KCNQ2: variants seen among roughly 807,000 people sequenced by gnomAD.
KCNQ2 encodes potassium voltage-gated channel subfamily KQT member 2.
A neutral mutation model predicts 84.8 loss-of-function variants in KCNQ2; 14 were observed. That is an observed-to-expected ratio of 0.17 (90% CI 0.11 to 0.26). The LOEUF is 0.26. Among genes scored for constraint, KCNQ2 ranks in the 10% least tolerant of loss-of-function variants. The probability of loss-of-function intolerance (pLI) is 1.00; values close to 1 mark genes in which losing one functional copy is unlikely to be tolerated. For synonymous variants in KCNQ2, 599 were observed against 554.1 expected (o/e 1.08, Z -1.14); for missense variants, 788 against 1,254.0 (o/e 0.63, Z 5.61).
At chr20:63,442,675 C>A (rs1387462054) in intron 4 of KCNQ2, 144 bp from the exon 5 acceptor site, 2 of 626,594 alleles carry the variant, frequency 3.2e-6, no homozygotes, top group Admixed American at 2.4e-5. Context: ...CCACCACCAC[C>A]ACCACCACCA....
At chr20:63,435,737 G>A (rs541303780) in intron 7 of KCNQ2, among the ~76,000 whole-genome samples, 6 of 152,196 alleles carry the variant, frequency 3.9e-5, no homozygotes, top group African/African-American at 1.4e-4. Flanking sequence ...GCCCAGCAGC[G>A]GCATCTCAAC....
chr20:63,411,996 AC>A lies in KCNQ2; in HGVS notation c.1763+1453del, dbSNP rs2080133876. 7.8e-6 allele frequency: 5 copies of A among 641,844 alleles called. No individual in the cohort carries two copies. The South Asian group carries it at 8.9e-5, about 11-fold the overall frequency. 39.8% of individuals were successfully genotyped at this position (641,844 alleles called of 1,614,324 possible). ...GAAGCAACAGGGAGGCTCCGTCGAA[AC>A]AGGTGCTCTCCCACAGAGGGTGTGG... On this transcript the variant is annotated intron_variant, in intron 15 of 16. Coordinates refer to ENST00000359125, the MANE Select transcript of KCNQ2 (RefSeq NM_172107.4).
chr20:63,466,201 G>T (rs2082077136), intron 1 of KCNQ2, among the ~76,000 whole-genome samples: 1 of 152,142 alleles, frequency 6.6e-6, no homozygotes, highest in Admixed American at 6.5e-5. Context: ...TGAACAGCCG[G>T]CATCTCCGCG....
intron 15 of KCNQ2, chr20:63,409,922 C>T (rs1335079961): frequency 2.1e-5 from 3 of 145,466 alleles, no homozygotes; most frequent in African/African-American, 9.8e-5. Context: ...CTACCTGCCT[C>T]TGATGGGGGC....
intron 15 of KCNQ2, among the ~76,000 whole-genome samples, chr20:63,412,962 C>G (rs545395506): frequency 3.3e-5 from 5 of 152,302 alleles, no homozygotes; most frequent in African/African-American, 7.2e-5. Context: ...AGAAAAGGTG[C>G]CAAGTAGCAT....
At position 63,438,050 on chromosome 20, in the gene KCNQ2, C is replaced by A. The variant is rs760555041; in HGVS notation, c.1023+575G>T. Among the ~76,000 whole-genome samples the A allele has an allele frequency of 6.6e-6, 1 of 152,208 alleles. No individual in the cohort carries two copies. The highest frequency in any genetic ancestry group is 1.5e-5 in the Non-Finnish European group (1 of 68,036). Reference sequence around the variant, plus strand: ...GTCTTGATTTCCTGACCTCGTGATCCTCCCACCTCGGCCTCCCAAAGTGCT... The same window carrying A: ...GTCTTGATTTCCTGACCTCGTGATCATCCCACCTCGGCCTCCCAAAGTGCT... On this transcript the variant is annotated intron_variant, in intron 7 of 16. Transcript: ENST00000359125. The surrounding 1 kb of genome is among the most constrained non-coding windows in gnomAD (Gnocchi z 5.1).
intron 15 of KCNQ2, chr20:63,411,723 C>T (rs1017056665): frequency 2.6e-5 from 15 of 577,932 alleles, no homozygotes; most frequent in Non-Finnish European, 3.7e-5. Flanking sequence ...TGGCCTGGAG[C>T]GAAGGGGCCG....
At position 63,414,070 on chromosome 20, in the gene KCNQ2, G is replaced by T; in HGVS notation, c.1631+18C>A. On this transcript the variant is annotated intron_variant, in intron 14 of 16. Transcript: ENST00000359125. The surrounding 1 kb of genome is among the most constrained non-coding windows in gnomAD (Gnocchi z 6.6). ...CCCTCCTCACTCCCCCAGGCTCCCGGCTGGGCAGGGGCCTCACCACACGGC... is the reference window on the plus strand; with the variant it reads ...CCCTCCTCACTCCCCCAGGCTCCCGTCTGGGCAGGGGCCTCACCACACGGC... The T allele has an allele frequency of 6.3e-7, 1 of 1,592,832 alleles. No homozygotes were observed. Among genetic ancestry groups the T allele is most frequent in the Non-Finnish European group, 8.6e-7 (1 of 1,161,506 alleles).
Position 63,414,179 on chromosome 20 carries a change from C to T in KCNQ2, c.1540G>A (p.Gly514Arg), listed in dbSNP as rs772669887. The change falls in exon 14 of 17, where the codon GGA (glycine) becomes AGA (arginine). Residue 514 changes from glycine to arginine, a missense_variant. Gly to Arg is a moderately radical substitution (Grantham distance 125). This residue lies in a region of KCNQ2 where 202 missense variants were observed against 239.4 expected (regional missense o/e 0.84). Transcript: ENST00000359125. The surrounding 1 kb of genome is among the most constrained non-coding windows in gnomAD (Gnocchi z 6.6). The part of the protein sequence containing the change: ...RQNSEEASLP[G>R]EDIVDDKSCP... ...CTCTTGTCATCCACAATGTCCTCTC[C>T]GGGGAGGCTTGCTTCTGGGGGGAAG... is the stretch of plus-strand genomic sequence containing the variant. The T allele has an allele frequency of 1.3e-5, 21 of 1,613,324 alleles. No homozygotes were observed. The highest frequency in any genetic ancestry group is 4.5e-5 in the East Asian group (2 of 44,872).
At chr20:63,421,533 T>C (rs948596157) in intron 11 of KCNQ2, among the ~76,000 whole-genome samples, 1 of 152,108 alleles carries the variant, frequency 6.6e-6, no homozygotes, top group African/African-American at 2.4e-5. Flanking sequence ...AGCTCCACAC[T>C]GCGTGAGAAG....
rs765098871 is a variant in KCNQ2, at chr20:63,407,045, C to T, written c.2218G>A (p.Val740Met). Residue 740 changes from valine (V) to methionine (M), a missense_variant, in exon 17 of 17, where the codon GTG becomes ATG. This residue lies in a region of KCNQ2 where 378 missense variants were observed against 434.5 expected (regional missense o/e 0.87). Transcript: ENST00000359125. The surrounding 1 kb of genome is among the most constrained non-coding windows in gnomAD (Gnocchi z 7.2). ...TSPVGDHGSLVRIPPPPAHER... is the reference protein window; with the variant it reads ...TSPVGDHGSLMRIPPPPAHER... ...TGGGCAGGCGGCGGCGGGATGCGCA[C>T]CAGGGAGCCGTGGTCCCCCACGGGG... The T allele has an allele frequency of 6.6e-7, 1 of 1,519,512 alleles. No individual in the cohort carries two copies. 94.1% of individuals were successfully genotyped at this position (1,519,512 alleles called of 1,614,324 possible). A position where few individuals can be genotyped will look rare whatever the true frequency, so the allele number is the denominator to read the frequency against.
intron 15 of KCNQ2, chr20:63,411,005 TC>T: frequency 2.2e-6 from 1 of 456,354 alleles, no homozygotes; most frequent in South Asian, 1.5e-5. Flanking sequence ...TCTGAGTTAA[TC>T]ACTAAAGAAC....
At position 63,401,834 on chromosome 20, in the gene KCNQ2, TG is replaced by T; in HGVS notation, c.*4809del. ...GCTGTCCCTCTCACACCACGTCTGC[TG>T]GGCACCCTCCATGGCAGGTCCAAGC... On this transcript the variant is annotated 3_prime_UTR_variant, in exon 17 of 17. Transcript: ENST00000359125. 5.8e-6 allele frequency: 1 copy of T among 173,766 alleles called. No homozygotes were observed. The highest frequency in any genetic ancestry group is 7.8e-5 in the South Asian group (1 of 12,798). The allele number at this position is 173,766 out of a possible 1,614,324, so 10.8% of individuals were successfully genotyped here. A position where few individuals can be genotyped will look rare whatever the true frequency, so the allele number is the denominator to read the frequency against.
intron 9 of KCNQ2, among the ~76,000 whole-genome samples, chr20:63,428,757 G>A (rs1047544481): frequency 8.5e-5 from 13 of 152,268 alleles, no homozygotes; most frequent in African/African-American, 2.9e-4. Context: ...AGGAGGGCGC[G>A]CAGGTAGGGG....
rs1012205598 is a variant in KCNQ2, at chr20:63,472,643, C to T, written c.-180G>A. Reference sequence around the variant, plus strand: ...CGCTGCGGCCACCTCGCTCCGCGCGCACCTCGGCGCCTGGCCCGCGGCCGC... The same window carrying T: ...CGCTGCGGCCACCTCGCTCCGCGCGTACCTCGGCGCCTGGCCCGCGGCCGC... On this transcript the variant is annotated 5_prime_UTR_variant, in exon 1 of 17. Transcript: ENST00000359125. 42 of 249,690 alleles carry T rather than the reference C, an allele frequency of 1.7e-4. No individual in the cohort carries two copies. The highest frequency in any genetic ancestry group is 2.3e-4 in the Non-Finnish European group (38 of 162,600). The allele number at this position is 249,690 out of a possible 1,614,324, so 15.5% of individuals were successfully genotyped here.
At chr20:63,426,060 C>G (rs1015829863) in intron 10 of KCNQ2, among the ~76,000 whole-genome samples, 4 of 152,196 alleles carry the variant, frequency 2.6e-5, no homozygotes, top group Non-Finnish European at 5.9e-5. Flanking sequence ...GATCGTTCCC[C>G]GTTTCCTAAA....
Position 63,407,409 on chromosome 20 carries a change from G to T in KCNQ2, c.1888-34C>A, listed in dbSNP as rs1601545703. 1.9e-6 allele frequency: 3 copies of T among 1,595,776 alleles called. No homozygotes were observed. The highest frequency in any genetic ancestry group is 2.5e-6 in the Non-Finnish European group (3 of 1,178,534). The stretch of plus-strand genomic sequence containing the variant: ...GGGGCTGCTGGGCTGGGGTGCGAGG[G>T]CCCGTCCCAGGAGATGTGGGGACCC... On this transcript the variant is annotated intron_variant, in intron 16 of 16. Transcript: ENST00000359125. The surrounding 1 kb of genome is among the most constrained non-coding windows in gnomAD (Gnocchi z 7.2).
chr20:63,470,493 AGACAGAGGGGCT>A (rs2082189519), intron 1 of KCNQ2, among the ~76,000 whole-genome samples: 1 of 152,140 alleles, frequency 6.6e-6, no homozygotes, highest in Admixed American at 6.5e-5. Flanking sequence ...CAGGAAGGAG[AGACAGAGGGGCT>A]GACCCACGCA....
Position 63,407,496 on chromosome 20 carries a change from T to G in KCNQ2, c.1888-121A>C, listed in dbSNP as rs2079985945. The G allele has an allele frequency of 2.9e-6, 3 of 1,050,092 alleles. No homozygotes were observed. The East Asian group carries it at 7.8e-5, about 27-fold the overall frequency. 65.0% of individuals were successfully genotyped at this position (1,050,092 alleles called of 1,614,324 possible). The stretch of plus-strand genomic sequence containing the variant: ...TCCAGGAAACAGGAGAGACCCAGGC[T>G]AGTCCCAGGAAACGGGGGACCCAGG... On this transcript the variant is annotated intron_variant, in intron 16 of 16. Transcript: ENST00000359125. This position sits in a 1 kb window ranked among gnomAD's most constrained non-coding sequence, Gnocchi z 7.2.
Sources: gnomAD v4.1 joint callset for allele counts (sites outside exome capture counted in the v4.1 genomes callset) on GRCh38, gnomAD v4.1.1 for gene constraint, gnomAD v4.1.1 regional missense constraint, Gnocchi (gnomAD v3.1) non-coding constraint, MANE v1.5 for transcripts, NCBI Gene and HGNC (gene_info 2026-07-23, HGNC 2026-07-21) for gene names.